The following KCTD9 variants were observed in gnomAD, a reference collection of about 807,000 sequenced individuals.
KCTD9 encodes the protein potassium channel tetramerization domain containing 9.
A neutral mutation model predicts 53.3 loss-of-function variants in KCTD9; 17 were observed. The observed-to-expected ratio is 0.32, with a 90% CI of 0.22 to 0.48. The LOEUF is 0.48. Ranked by LOEUF, KCTD9 falls within the 20% of genes least tolerant of loss-of-function variation. KCTD9 has a pLI of 0.99. For synonymous variants in KCTD9, 128 were observed against 162.7 expected, an observed-to-expected ratio of 0.79 and a Z score of 1.62; for missense variants, 179 against 465.5, an observed-to-expected ratio of 0.38 and a Z score of 5.66.
intron 1 of KCTD9, among the ~76,000 whole-genome samples, chr8:25,448,850 G>A (rs777660411): frequency 2.6e-5 from 4 of 152,012 alleles, no homozygotes; most frequent in Admixed American, 1.3e-4. Context: ...GGGAGGCAGA[G>A]GTTGCAGTTA....
chr8:25,440,127 C>T (rs1228056177), intron 4 of KCTD9, among the ~76,000 whole-genome samples: 4 of 146,632 alleles, frequency 2.7e-5, no homozygotes, highest in Admixed American at 6.9e-5. Flanking sequence ...GGCAGGATCT[C>T]GGCTCACTGC....
intron 1 of KCTD9, chr8:25,450,442 C>T (rs920172462): frequency 1.0e-6 from 1 of 984,146 alleles, no homozygotes; most frequent in Non-Finnish European, 1.2e-6. Context: ...TAGGACACAC[C>T]TTTTTTGTGT....
At chr8:25,444,765 G>A (rs1802186059) in intron 2 of KCTD9, among the ~76,000 whole-genome samples, 1 of 152,076 alleles carries the variant, frequency 6.6e-6, no homozygotes, top group African/African-American at 2.4e-5. Context: ...AAATATAGCT[G>A]GAAGTAACTC....
intron 2 of KCTD9, 84 bp from the exon 3 acceptor site, chr8:25,444,419 C>A: frequency 7.9e-7 from 1 of 1,273,724 alleles, no homozygotes; most frequent in Non-Finnish European, 1.1e-6. Context: ...CTATTCCTTA[C>A]AATTATATAG....
At chr8:25,438,222 GA>G (rs1345099839) in intron 6 of KCTD9, among the ~76,000 whole-genome samples, 1 of 150,094 alleles carries the variant, frequency 6.7e-6, no homozygotes. Context: ...ATAATTTGAA[GA>G]AAAATTAAAA....
At chr8:25,455,917 T>C (rs1052750827) in intron 1 of KCTD9, among the ~76,000 whole-genome samples, 5 of 152,236 alleles carry the variant, frequency 3.3e-5, no homozygotes, top group Admixed American at 2.0e-4. Flanking sequence ...AAAAGGTATA[T>C]TTCTTCCTGA....
intron 4 of KCTD9, among the ~76,000 whole-genome samples, chr8:25,440,328 G>A (rs1344328182): frequency 6.6e-6 from 1 of 152,064 alleles, no homozygotes. Context: ...AAAGTGCTGG[G>A]ATTACAGGCG....
At position 25,432,746 on chromosome 8, in the gene KCTD9, A is replaced by G. The variant is rs1381279207; in HGVS notation, c.920-109T>C. On this transcript the variant is annotated intron_variant, in intron 10 of 11. Transcript: ENST00000221200. ...GGCCTCTTTTAACTTTTGGAAATTA[A>G]TCTAAAATCTTGTCTCTCAACGAAC... The G allele has an allele frequency of 4.2e-5, 40 of 946,222 alleles. No individual in the cohort carries two copies. In the South Asian group the frequency reaches 6.6e-4, roughly 16 times the overall value. The allele number at this position is 946,222 out of a possible 1,614,324, so 58.6% of individuals were successfully genotyped here.
At chr8:25,454,265 G>A (rs1173682610) in intron 1 of KCTD9, among the ~76,000 whole-genome samples, 2 of 152,326 alleles carry the variant, frequency 1.3e-5, no homozygotes, top group South Asian at 2.1e-4. Flanking sequence ...GGTACAGAAT[G>A]AAAGTATTTC....
chr8:25,441,200 G>GA (rs1802115874), intron 3 of KCTD9, among the ~76,000 whole-genome samples: 1 of 150,270 alleles, frequency 6.7e-6, no homozygotes, highest in Non-Finnish European at 1.5e-5. Flanking sequence ...GACTGCAGAT[G>GA]AAAGTTAAGA....
At chr8:25,458,003 G>A (rs1802501890) in intron 1 of KCTD9, among the ~76,000 whole-genome samples, 196 bp downstream of exon 1, 1 of 151,832 alleles carries the variant, frequency 6.6e-6, no homozygotes, top group African/African-American at 2.4e-5. Flanking sequence ...GCACTGAAGG[G>A]CAGGCTCGGG....
In KCTD9 at chr8:25,427,998, T is replaced by G. The variant is rs937107120; in HGVS notation, c.*1859A>C. On this transcript the variant is annotated 3_prime_UTR_variant, in exon 12 of 12. Coordinates refer to ENST00000221200, the MANE Select transcript of KCTD9 (RefSeq NM_017634.4). ...TAAGCAAAATACAGAAAGTGATGAT[T>G]TTCAAAAGGAAGAGAAGAAACTCCT... The G allele has an allele frequency of 6.6e-6, 1 of 152,278 alleles. No homozygotes were observed. The highest frequency in any genetic ancestry group is 1.5e-5 in the Non-Finnish European group (1 of 68,036). 9.4% of individuals were successfully genotyped at this position (152,278 alleles called of 1,614,324 possible).
intron 1 of KCTD9, among the ~76,000 whole-genome samples, chr8:25,455,479 A>G (rs1802415165): frequency 6.6e-6 from 1 of 152,156 alleles, no homozygotes; most frequent in Non-Finnish European, 1.5e-5. Flanking sequence ...AAAACTCAGC[A>G]CTGTTTCAAC....
At position 25,430,249 on chromosome 8, in the gene KCTD9, G is replaced by GA. The variant is rs143869476; in HGVS notation, c.1054-277dup. ...CTTGCATATTTTATAAGGAGACATT[G>GA]AAAACAGGGGTCCCCAACCCCTGGG... On this transcript the variant is annotated intron_variant, in intron 11 of 11. Transcript: ENST00000221200. Among the ~76,000 whole-genome samples the GA allele has an allele frequency of 8.7e-3, 1,325 of 152,266 alleles. 22 individuals carry two copies. The highest frequency in any genetic ancestry group is 0.03 in the African/African-American group (1,238 of 41,546).
chr8:25,446,265 G>A lies in KCTD9; in HGVS notation c.49-15C>T. 1 of 1,612,392 alleles carries A rather than the reference G, an allele frequency of 6.2e-7. No homozygotes were observed. The highest frequency in any genetic ancestry group is 8.5e-7 in the Non-Finnish European group (1 of 1,178,886). On this transcript the variant is annotated splice_polypyrimidine_tract_variant and intron_variant, in intron 1 of 11. Transcript: ENST00000221200. ...ACAGCAACCACCTGTAAACACACCA[G>A]AATAATATGAACAATTTCTTTAATA...
intron 1 of KCTD9, among the ~76,000 whole-genome samples, chr8:25,457,906 G>A (rs1802495647): frequency 6.9e-6 from 1 of 145,100 alleles, no homozygotes; most frequent in Non-Finnish European, 1.5e-5. Context: ...GGCCCTCCCC[G>A]CGCCCCCGTC....
chr8:25,434,630 C>T (rs180900778), intron 9 of KCTD9, among the ~76,000 whole-genome samples: 14 of 152,144 alleles, frequency 9.2e-5, no homozygotes, highest in Non-Finnish European at 1.3e-4. Context: ...TTTTGTTACT[C>T]GCCCTGATAC....
intron 1 of KCTD9, among the ~76,000 whole-genome samples, 197 bp downstream of exon 1, chr8:25,458,002 G>T (rs995323710): frequency 3.0e-4 from 45 of 151,708 alleles, no homozygotes; most frequent in African/African-American, 9.9e-4. Flanking sequence ...GGCACTGAAG[G>T]GCAGGCTCGG....
chr8:25,445,125 T>C (rs1262862926), intron 2 of KCTD9, among the ~76,000 whole-genome samples: 1 of 152,196 alleles, frequency 6.6e-6, no homozygotes, highest in Non-Finnish European at 1.5e-5. Flanking sequence ...GAGATACATA[T>C]TGAAAAACTA....
Sources: gnomAD v4.1 joint callset for allele counts (sites outside exome capture counted in the v4.1 genomes callset) on GRCh38, gnomAD v4.1.1 for gene constraint, MANE v1.5 for transcripts, NCBI Gene and HGNC (gene_info 2026-07-23, HGNC 2026-07-21) for gene names.